The following CPQ variants were observed in gnomAD, a reference collection of about 807,000 sequenced individuals.
The protein encoded by CPQ is Ser-Met dipeptidase.
CPQ carries 37 observed loss-of-function variants against 45.7 expected under a neutral mutation model. That is an observed-to-expected ratio of 0.81 (90% CI 0.62 to 1.07). The LOEUF (loss-of-function observed/expected upper bound fraction) is 1.07, where lower values mean the gene tolerates loss of function less well. Among genes scored for constraint, CPQ ranks in the 50% least tolerant of loss-of-function variants. The pLI, the probability that CPQ is intolerant of heterozygous loss-of-function variation, is 0.00. For synonymous variants in CPQ, 186 were observed against 205.8 expected (o/e 0.90, Z 0.82); for missense variants, 537 against 572.9 (o/e 0.94, Z 0.64).
chr8:96,825,661 A>G (rs1411695164), intron 2 of CPQ, among the ~76,000 whole-genome samples: 1 of 152,042 alleles, frequency 6.6e-6, no homozygotes, highest in East Asian at 1.9e-4. Context: ...CCATGTCTCT[A>G]GAATCTTCTT....
At chr8:97,121,353 G>GA (rs2130607148) in intron 7 of CPQ, among the ~76,000 whole-genome samples, 1 of 152,264 alleles carries the variant, frequency 6.6e-6, no homozygotes, top group African/African-American at 2.4e-5. Context: ...GGTTGTTGTT[G>GA]GACAACAGGA....
intron 4 of CPQ, among the ~76,000 whole-genome samples, chr8:96,951,712 A>T (rs778360996): frequency 9.9e-5 from 15 of 152,114 alleles, no homozygotes; most frequent in Non-Finnish European, 1.9e-4. Context: ...TCACCTTTCT[A>T]AATAATGTGC....
intron 4 of CPQ, among the ~76,000 whole-genome samples, chr8:96,897,700 G>A (rs1812461469): frequency 1.3e-5 from 2 of 152,160 alleles, no homozygotes; most frequent in Non-Finnish European, 2.9e-5. Context: ...TTATGTATAT[G>A]CAAATATTCC....
In CPQ at chr8:96,996,150, T is replaced by C. The variant is rs189916297; in HGVS notation, c.961+30104T>C. Among the ~76,000 whole-genome samples, 127 of 152,096 alleles carry C rather than the reference T, an allele frequency of 8.3e-4. 1 individual carries two copies. Among genetic ancestry groups the C allele is most frequent in the African/African-American group, 3.0e-3 (124 of 41,530 alleles). ...GAAATGATTTCCACAGATTCAGCAA[T>C]TGAGGGCTTTTGCTGATTTTAGTAA... On this transcript the variant is annotated intron_variant, in intron 5 of 7. Coordinates refer to ENST00000220763, the MANE Select transcript of CPQ (RefSeq NM_016134.4).
At chr8:96,789,822 G>A (rs538124570) in intron 2 of CPQ, among the ~76,000 whole-genome samples, 5 of 152,304 alleles carry the variant, frequency 3.3e-5, no homozygotes, top group African/African-American at 7.2e-5. Context: ...TTGAGTGAGT[G>A]AGATTTCTGC....
chr8:96,688,602 C>A (rs1248298173), intron 1 of CPQ, among the ~76,000 whole-genome samples: 1 of 152,242 alleles, frequency 6.6e-6, no homozygotes, highest in East Asian at 1.9e-4. Flanking sequence ...CTCTCTATTT[C>A]CTACTATTAG....
intron 1 of CPQ, among the ~76,000 whole-genome samples, chr8:96,707,004 G>A (rs962816189): frequency 6.6e-6 from 1 of 151,976 alleles, no homozygotes; most frequent in Non-Finnish European, 1.5e-5. Context: ...TCTTATGATA[G>A]GCCCAGAATT....
At chr8:96,965,743 A>C (rs1586470854) in intron 4 of CPQ, among the ~76,000 whole-genome samples, 192 bp from the exon 5 acceptor site, 1 of 152,194 alleles carries the variant, frequency 6.6e-6, no homozygotes, top group Non-Finnish European at 1.5e-5. Context: ...TACTATTAGG[A>C]TAGACTTAGA....
At chr8:97,072,242 C>A (rs1331816765) in intron 7 of CPQ, among the ~76,000 whole-genome samples, 2 of 152,056 alleles carry the variant, frequency 1.3e-5, no homozygotes, top group African/African-American at 4.8e-5. Flanking sequence ...AATTGGGATT[C>A]TTTAGGGAAA....
At chr8:96,904,027 A>C (rs35951827) in intron 4 of CPQ, among the ~76,000 whole-genome samples, 72,877 of 151,962 alleles carry the variant, frequency 0.48, 17,963 homozygotes, top group East Asian at 0.63. Context: ...TAAAGCTTTA[A>C]TGTGTTGAAT....
chr8:97,084,917 T>C (rs1811015748), intron 7 of CPQ, among the ~76,000 whole-genome samples: 1 of 152,082 alleles, frequency 6.6e-6, no homozygotes, highest in African/African-American at 2.4e-5. Flanking sequence ...TCTACACACC[T>C]TTCTTGTAAG....
chr8:97,006,291 G>T (rs766346649), intron 5 of CPQ, among the ~76,000 whole-genome samples: 1 of 151,034 alleles, frequency 6.6e-6, no homozygotes, highest in Non-Finnish European at 1.5e-5. Context: ...AAGTTGAGTT[G>T]TTTTTTTTTA....
chr8:96,986,508 C>T (rs888616190), intron 5 of CPQ, among the ~76,000 whole-genome samples: 5 of 152,072 alleles, frequency 3.3e-5, no homozygotes, highest in Non-Finnish European at 5.9e-5. Flanking sequence ...TTCCCACTCT[C>T]TCAAACCCCA....
At chr8:96,924,300 CTA>C (rs1398400837) in intron 4 of CPQ, among the ~76,000 whole-genome samples, 4 of 152,142 alleles carry the variant, frequency 2.6e-5, no homozygotes, top group African/African-American at 9.7e-5. Flanking sequence ...GGCATTTACT[CTA>C]TGTAATGTGC....
intron 1 of CPQ, among the ~76,000 whole-genome samples, chr8:96,674,587 C>T (rs909198403): frequency 6.6e-6 from 1 of 152,162 alleles, no homozygotes. Context: ...ACATCCATTA[C>T]AGGCACATCT....
At chr8:96,767,392 T>C (rs1281113161) in intron 1 of CPQ, among the ~76,000 whole-genome samples, 6 of 151,984 alleles carry the variant, frequency 3.9e-5, no homozygotes, top group African/African-American at 1.4e-4. Context: ...TACCTTTGAT[T>C]TCCCTCTGTC....
intron 4 of CPQ, among the ~76,000 whole-genome samples, chr8:96,932,691 A>G (rs1253404382): frequency 6.6e-6 from 1 of 152,170 alleles, no homozygotes; most frequent in Non-Finnish European, 1.5e-5. Context: ...TATGTGATGA[A>G]TTAATTGTCT....
intron 7 of CPQ, among the ~76,000 whole-genome samples, chr8:97,094,628 G>T (rs1811181259): frequency 6.6e-6 from 1 of 152,022 alleles, no homozygotes; most frequent in African/African-American, 2.4e-5. Flanking sequence ...GCTATGTTCT[G>T]AGTCCGGTCC....
At chr8:96,718,598 A>G (rs1190762310) in intron 1 of CPQ, among the ~76,000 whole-genome samples, 5 of 152,160 alleles carry the variant, frequency 3.3e-5, no homozygotes, top group Non-Finnish European at 4.4e-5. Context: ...GCGAAAGAAC[A>G]AAGCTTCCAC....
Sources: allele counts gnomAD v4.1 joint callset (sites outside exome capture counted in the v4.1 genomes callset), GRCh38; gene constraint gnomAD v4.1.1; transcripts MANE v1.5; gene names NCBI Gene and HGNC (gene_info 2026-07-23, HGNC 2026-07-21).